Variants in MBD5 observed in about 807,000 individuals in gnomAD.
The protein encoded by MBD5 is methyl-CpG binding domain protein 5.
MBD5 carries 13 observed loss-of-function variants against 117.3 expected under a neutral mutation model. That is an observed-to-expected ratio of 0.11 (90% CI 0.07 to 0.18). The LOEUF is 0.18. Ranked by LOEUF, MBD5 falls within the 10% of genes least tolerant of loss-of-function variation. The pLI is 1.00. For missense variants in MBD5, 1,879 were observed against 2,093.8 expected (o/e 0.90, Z 2.00); for synonymous variants, 727 against 766.4 (o/e 0.95, Z 0.85).
At chr2:148,259,038 A>C (rs1374636945) in intron 3 of MBD5, among the ~76,000 whole-genome samples, 1 of 152,172 alleles carries the variant, frequency 6.6e-6, no homozygotes, top group Non-Finnish European at 1.5e-5. Context: ...AATGTTCATC[A>C]TCTGGCCTCT....
rs1052528981 is a variant in MBD5, at chr2:148,252,365, T to C, written c.-680+18970T>C. Among the ~76,000 whole-genome samples, 7 of 151,872 alleles carry C rather than the reference T, an allele frequency of 4.6e-5. No homozygotes were observed. In the East Asian group the frequency reaches 1.4e-3, roughly 29 times the overall value. Reference sequence around the variant, plus strand: ...GTCCCAGCTACTGGGGAGACTGAAATGCGAGGATCACCTGATCCTGGAGAA... The same window carrying C: ...GTCCCAGCTACTGGGGAGACTGAAACGCGAGGATCACCTGATCCTGGAGAA... On this transcript the variant is annotated intron_variant, in intron 3 of 13. Transcript: ENST00000642680.
At chr2:148,475,379 T>A (rs570224345) in intron 8 of MBD5, among the ~76,000 whole-genome samples, 1 of 152,270 alleles carries the variant, frequency 6.6e-6, no homozygotes, top group East Asian at 1.9e-4. Flanking sequence ...CAATGTCTTG[T>A]TGTTTAAGAA....
intron 4 of MBD5, among the ~76,000 whole-genome samples, chr2:148,429,887 C>T (rs1705931108): frequency 6.6e-6 from 1 of 151,976 alleles, no homozygotes; most frequent in Non-Finnish European, 1.5e-5. Context: ...AGAGAAATAC[C>T]TAATGGAGAT....
At chr2:148,079,503 C>T (rs1177525089) in intron 1 of MBD5, among the ~76,000 whole-genome samples, 2 of 151,888 alleles carry the variant, frequency 1.3e-5, no homozygotes, top group African/African-American at 4.8e-5. Flanking sequence ...GTTAGAGAGG[C>T]AGTCTCTGCC....
rs772842301 is a variant in MBD5 at position 148,470,316 on chromosome 2, G to A, written c.2373G>A (p.Gly791=). 9 of 1,613,792 alleles carry A rather than the reference G, an allele frequency of 5.6e-6. No individual in the cohort carries two copies. In the African/African-American group the frequency reaches 1.1e-4, roughly 19 times the overall value. Reference sequence around the variant, plus strand: ...TAATAAATCAGATTCAGGCTAGCGGGAACTGTGGGATGCTCAGTCAGTCGG... The same window carrying A: ...TAATAAATCAGATTCAGGCTAGCGGAAACTGTGGGATGCTCAGTCAGTCGG... The part of the protein sequence containing the change: ...AGLINQIQAS[G]NCGMLSQSGM... Residue 791 remains glycine, a synonymous_variant, in exon 8 of 14, where the codon GGG becomes GGA. Transcript: ENST00000642680.
At chr2:148,324,712 T>C (rs1702393706) in intron 3 of MBD5, among the ~76,000 whole-genome samples, 1 of 152,208 alleles carries the variant, frequency 6.6e-6, no homozygotes. Flanking sequence ...TGAAGTTGCT[T>C]ATCAGCTTAA....
chr2:148,155,208 C>T (rs931305848), intron 1 of MBD5, among the ~76,000 whole-genome samples: 1 of 152,144 alleles, frequency 6.6e-6, no homozygotes, highest in African/African-American at 2.4e-5. Flanking sequence ...TTAGGGAAGT[C>T]ATCACTGAAA....
At chr2:148,285,759 A>G (rs1452575979) in intron 3 of MBD5, among the ~76,000 whole-genome samples, 1 of 152,140 alleles carries the variant, frequency 6.6e-6, no homozygotes, top group Non-Finnish European at 1.5e-5. Flanking sequence ...AGCTGTCACC[A>G]TGTTGCCTAG....
intron 1 of MBD5, among the ~76,000 whole-genome samples, chr2:148,152,258 G>A (rs964811392): frequency 2.0e-5 from 3 of 152,166 alleles, no homozygotes; most frequent in Non-Finnish European, 4.4e-5. Flanking sequence ...TTTTGAGTGA[G>A]ATTCTTAATC....
chr2:148,402,260 A>G (rs1704946349), intron 4 of MBD5, among the ~76,000 whole-genome samples: 1 of 152,130 alleles, frequency 6.6e-6, no homozygotes, highest in South Asian at 2.1e-4. Flanking sequence ...TGCCTGCTAT[A>G]ATTATTACTA....
intron 5 of MBD5, among the ~76,000 whole-genome samples, chr2:148,462,332 G>T (rs1447708321): frequency 6.6e-6 from 1 of 151,918 alleles, no homozygotes; most frequent in Admixed American, 6.6e-5. Flanking sequence ...TCTACTCTTG[G>T]TTTTCAGAAT....
chr2:148,214,906 G>A (rs564072283), intron 2 of MBD5, among the ~76,000 whole-genome samples: 2 of 152,072 alleles, frequency 1.3e-5, no homozygotes, highest in South Asian at 4.2e-4. Context: ...AGTTATAATA[G>A]CACATATGAA....
intron 2 of MBD5, among the ~76,000 whole-genome samples, chr2:148,211,390 G>C (rs1388586799): frequency 6.6e-6 from 1 of 152,144 alleles, no homozygotes; most frequent in Non-Finnish European, 1.5e-5. Flanking sequence ...GGTATAAAAA[G>C]AATGTAAACT....
intron 4 of MBD5, among the ~76,000 whole-genome samples, chr2:148,441,568 A>C (rs1179744527): frequency 1.3e-5 from 2 of 152,170 alleles, no homozygotes; most frequent in Non-Finnish European, 2.9e-5. Flanking sequence ...GTAAACATAC[A>C]TGTGCATGTG....
intron 1 of MBD5, among the ~76,000 whole-genome samples, chr2:148,113,258 A>G (rs1453685258): frequency 6.6e-6 from 1 of 152,208 alleles, no homozygotes; most frequent in Non-Finnish European, 1.5e-5. Context: ...AATTCATTCT[A>G]TGATCTAGTG....
At chr2:148,410,912 A>C (rs980076658) in intron 4 of MBD5, among the ~76,000 whole-genome samples, 3 of 152,134 alleles carry the variant, frequency 2.0e-5, no homozygotes, top group African/African-American at 7.2e-5. Flanking sequence ...TTATATAGGT[A>C]AATTGCATGT....
intron 4 of MBD5, among the ~76,000 whole-genome samples, chr2:148,438,200 G>C (rs932471381): frequency 2.0e-5 from 3 of 152,148 alleles, no homozygotes; most frequent in Admixed American, 6.6e-5. Flanking sequence ...GTGAAGCTAC[G>C]GAAGTCATAC....
intron 12 of MBD5, among the ~76,000 whole-genome samples, chr2:148,509,545 C>G (rs1475894085): frequency 1.3e-5 from 2 of 152,332 alleles, no homozygotes; most frequent in African/African-American, 4.8e-5. Flanking sequence ...TGTTTCCCAC[C>G]CCGGAACACG....
At chr2:148,050,660 A>T (rs1224635239) in intron 1 of MBD5, among the ~76,000 whole-genome samples, 1 of 152,114 alleles carries the variant, frequency 6.6e-6, no homozygotes, top group Non-Finnish European at 1.5e-5. Flanking sequence ...TCTTGAAGAG[A>T]CTATATCCCC....
Sources: allele counts gnomAD v4.1 joint callset (sites outside exome capture counted in the v4.1 genomes callset), GRCh38; gene constraint gnomAD v4.1.1; transcripts MANE v1.5; gene names NCBI Gene and HGNC (gene_info 2026-07-23, HGNC 2026-07-21).